The following FNBP1L variants were observed in gnomAD, a reference collection of about 807,000 sequenced individuals.
The protein encoded by FNBP1L is formin binding protein 1 like.
In FNBP1L, 36 loss-of-function variants were observed where a neutral mutation model predicts 91.2. The observed-to-expected ratio is 0.39, with a 90% CI of 0.30 to 0.52. The LOEUF (loss-of-function observed/expected upper bound fraction) is 0.52, where lower values mean the gene tolerates loss of function less well. Ranked by LOEUF, FNBP1L falls within the 20% of genes least tolerant of loss-of-function variation. The pLI is 0.66. For synonymous variants in FNBP1L, 242 were observed against 237.0 expected (o/e 1.02, Z -0.19); for missense variants, 571 against 732.1 (o/e 0.78, Z 2.54).
intron 1 of FNBP1L, among the ~76,000 whole-genome samples, chr1:93,481,223 C>T (rs1669694090): frequency 6.6e-6 from 1 of 152,114 alleles, no homozygotes; most frequent in South Asian, 2.1e-4. Context: ...TAGATAGGCC[C>T]CAGAGGTCCA....
At chr1:93,524,220 T>A in intron 4 of FNBP1L, 41 bp from the exon 5 acceptor site, 1 of 1,406,298 alleles carries the variant, frequency 7.1e-7, no homozygotes, top group Non-Finnish European at 9.3e-7. Context: ...TTTGTTTTAT[T>A]TTTTATTTTT....
chr1:93,541,989 A>G (rs1417356340), intron 11 of FNBP1L, among the ~76,000 whole-genome samples: 1 of 152,176 alleles, frequency 6.6e-6, no homozygotes, highest in Non-Finnish European at 1.5e-5. Context: ...TGAGTTTATC[A>G]TAATTTTGAC....
intron 2 of FNBP1L, among the ~76,000 whole-genome samples, chr1:93,517,233 A>G (rs1461617053): frequency 6.6e-6 from 1 of 151,974 alleles, no homozygotes; most frequent in Non-Finnish European, 1.5e-5. Flanking sequence ...TTTGGTAGAG[A>G]CAGGTTTTCA....
intron 5 of FNBP1L, among the ~76,000 whole-genome samples, 200 bp downstream of exon 5, chr1:93,524,523 A>G (rs796191719): frequency 1.2e-3 from 180 of 150,616 alleles, no homozygotes; most frequent in African/African-American, 4.1e-3. Context: ...GTTGTCCTTT[A>G]TAACTCTATA....
chr1:93,532,847 G>A, intron 7 of FNBP1L, 75 bp from the exon 8 acceptor site: 1 of 1,068,396 alleles, frequency 9.4e-7, no homozygotes, highest in Admixed American at 2.7e-5. Context: ...TTTTGATGGG[G>A]GATCACTAAT....
intron 1 of FNBP1L, among the ~76,000 whole-genome samples, chr1:93,486,154 G>A (rs1391809799): frequency 2.6e-5 from 4 of 152,162 alleles, no homozygotes; most frequent in African/African-American, 9.6e-5. Flanking sequence ...TGTACTTAGA[G>A]TTTTTAGTAT....
At chr1:93,454,907 A>G (rs974605151) in intron 1 of FNBP1L, among the ~76,000 whole-genome samples, 2 of 148,338 alleles carry the variant, frequency 1.3e-5, no homozygotes, top group African/African-American at 2.6e-5. Context: ...GTGCTGTTTT[A>G]TTTTTATTTA....
At chr1:93,529,624 C>T (rs760166053) in intron 5 of FNBP1L, 28 bp from the exon 6 acceptor site, 11 of 1,278,544 alleles carry the variant, frequency 8.6e-6, no homozygotes, top group South Asian at 1.5e-5. Flanking sequence ...TTTATTTTCT[C>T]AGTGTGATAT....
intron 2 of FNBP1L, among the ~76,000 whole-genome samples, chr1:93,509,932 T>G (rs1009201517): frequency 5.3e-5 from 8 of 152,172 alleles, no homozygotes; most frequent in African/African-American, 1.9e-4. Context: ...ACCAGGAGAT[T>G]ATATCCCGCA....
At chr1:93,498,054 T>C (rs559885927) in intron 1 of FNBP1L, among the ~76,000 whole-genome samples, 1 of 152,316 alleles carries the variant, frequency 6.6e-6, no homozygotes, top group African/African-American at 2.4e-5. Flanking sequence ...ACTACGTAAT[T>C]CAATAGTATA....
At chr1:93,491,739 C>T (rs757051129) in intron 1 of FNBP1L, among the ~76,000 whole-genome samples, 3 of 152,010 alleles carry the variant, frequency 2.0e-5, no homozygotes, top group South Asian at 4.1e-4. Flanking sequence ...TTGAAGTTGG[C>T]TTTTATTTAT....
intron 2 of FNBP1L, among the ~76,000 whole-genome samples, chr1:93,514,961 TACC>T (rs1415213547): frequency 6.6e-6 from 1 of 152,134 alleles, no homozygotes; most frequent in African/African-American, 2.4e-5. Flanking sequence ...CAAAAGAAAC[TACC>T]ATCAGAGTGA....
At chr1:93,520,367 G>T (rs1006882769) in intron 2 of FNBP1L, among the ~76,000 whole-genome samples, 1 of 152,158 alleles carries the variant, frequency 6.6e-6, no homozygotes, top group African/African-American at 2.4e-5. Context: ...ATAGTTTTAA[G>T]CAGTGCATCT....
chr1:93,544,231 A>G lies in FNBP1L; in HGVS notation c.1274+15A>G. On this transcript the variant is annotated intron_variant, in intron 12 of 16. Coordinates refer to ENST00000271234, the MANE Select transcript of FNBP1L (RefSeq NM_001164473.3). The stretch of plus-strand genomic sequence containing the variant: ...TCAGACCAAAAGTATTATTCCTTTA[A>G]GTTTTCTCTATCATTATTATTTTAG... 1 of 1,556,864 alleles carries G rather than the reference A, an allele frequency of 6.4e-7. No homozygotes were observed. The highest frequency in any genetic ancestry group is 1.4e-5 in the African/African-American group (1 of 73,634).
In FNBP1L at chr1:93,513,876, C is replaced by G. The variant is rs552484153; in HGVS notation, c.141-8206C>G. 2.5e-4 allele frequency among the ~76,000 whole-genome samples: 38 copies of G among 152,292 alleles called. 1 individual carries two copies. Among genetic ancestry groups the G allele is most frequent in the Admixed American group, 1.3e-3 (20 of 15,302 alleles). The stretch of plus-strand genomic sequence containing the variant: ...AACTGGCACAAGACAGGGATGCCCT[C>G]TCTCACCACTCCTTTTCAACATAGT... On this transcript the variant is annotated intron_variant, in intron 2 of 16. Coordinates refer to ENST00000271234, the MANE Select transcript of FNBP1L (RefSeq NM_001164473.3).
chr1:93,497,602 A>C (rs1670309406), intron 1 of FNBP1L, among the ~76,000 whole-genome samples: 1 of 152,166 alleles, frequency 6.6e-6, no homozygotes, highest in African/African-American at 2.4e-5. Flanking sequence ...TATTGCCCTC[A>C]CTAAAAATAT....
intron 16 of FNBP1L, chr1:93,552,125 C>T (rs1462251064): frequency 1.7e-6 from 2 of 1,170,858 alleles, no homozygotes; most frequent in East Asian, 7.8e-5. Flanking sequence ...ATAAATTTTT[C>T]CAATTAGTTT....
intron 10 of FNBP1L, among the ~76,000 whole-genome samples, chr1:93,537,818 A>T (rs535867466): frequency 5.9e-5 from 9 of 152,244 alleles, no homozygotes; most frequent in Admixed American, 2.0e-4. Flanking sequence ...ACTCATTCCC[A>T]TGTTGCTTCC....
Position 93,544,092 on chromosome 1 carries a change from A to G in FNBP1L, c.1165-15A>G. Reference sequence around the variant, plus strand: ...CCGAAAATGTCTATTATAATGATTTAGATTCTCTTTTCAGGGCCCAGCACT... The same window carrying G: ...CCGAAAATGTCTATTATAATGATTTGGATTCTCTTTTCAGGGCCCAGCACT... On this transcript the variant is annotated splice_polypyrimidine_tract_variant and intron_variant, in intron 11 of 16. Coordinates refer to ENST00000271234, the MANE Select transcript of FNBP1L (RefSeq NM_001164473.3). 6.4e-7 allele frequency: 1 copy of G among 1,568,714 alleles called. No homozygotes were observed.
Sources: allele counts gnomAD v4.1 joint callset (sites outside exome capture counted in the v4.1 genomes callset), GRCh38; gene constraint gnomAD v4.1.1; transcripts MANE v1.5; gene names NCBI Gene and HGNC (gene_info 2026-07-23, HGNC 2026-07-21).